Variants in PCDHA13 observed in about 807,000 individuals in gnomAD.
The protein encoded by PCDHA13 is protocadherin alpha-13.
A neutral mutation model predicts 64.8 loss-of-function variants in PCDHA13; 54 were observed. That is an observed-to-expected ratio of 0.83 (90% CI 0.67 to 1.04). PCDHA13 has a LOEUF of 1.04. Among genes scored for constraint, PCDHA13 ranks in the 50% least tolerant of loss-of-function variants. The pLI is 0.00. For synonymous variants in PCDHA13, 587 were observed against 564.4 expected (o/e 1.04, Z -0.57); for missense variants, 1,248 against 1,254.3 (o/e 0.99, Z 0.08).
At chr5:140,958,703 C>T (rs1302459806) in intron 1 of PCDHA13, among the ~76,000 whole-genome samples, 3 of 152,112 alleles carry the variant, frequency 2.0e-5, no homozygotes, top group Non-Finnish European at 4.4e-5. Flanking sequence ...AGAGTGACAA[C>T]TCTGTTATAA....
At chr5:140,920,481 G>T (rs2079651233) in intron 1 of PCDHA13, among the ~76,000 whole-genome samples, 1 of 151,886 alleles carries the variant, frequency 6.6e-6, no homozygotes, top group Non-Finnish European at 1.5e-5. Context: ...TATGTTTTTG[G>T]TCCAACAATA....
At position 140,927,384 on chromosome 5, in the gene PCDHA13, C is replaced by G. The variant is rs2084146194; in HGVS notation, c.2394+42722C>G. On this transcript the variant is annotated intron_variant, in intron 1 of 3. Transcript: ENST00000289272. Reference sequence around the variant, plus strand: ...ATGGGATACTAAGCTACAGCCTAAGCCCCAGTCAGCACTTTCGCCTGGACA... The same window carrying G: ...ATGGGATACTAAGCTACAGCCTAAGGCCCAGTCAGCACTTTCGCCTGGACA... 1 of 1,613,996 alleles carries G rather than the reference C, an allele frequency of 6.2e-7. No individual in the cohort carries two copies. The highest frequency in any genetic ancestry group is 1.7e-5 in the Admixed American group (1 of 60,010).
Position 140,883,825 on chromosome 5 carries a change from G to T in PCDHA13, c.1557G>T (p.Ala519=). The change falls in exon 1 of 4, where the codon GCG becomes GCT. Residue 519 remains alanine (A), a synonymous_variant. Coordinates refer to ENST00000289272, the MANE Select transcript of PCDHA13 (RefSeq NM_018904.3). ...SVHAESGKVY[A]LQPLDHEELE... ...ACGCGGAGAGCGGCAAGGTGTACGCGCTGCAGCCGTTGGACCACGAGGAGC... is the reference window on the plus strand; with the variant it reads ...ACGCGGAGAGCGGCAAGGTGTACGCTCTGCAGCCGTTGGACCACGAGGAGC... 6.2e-7 allele frequency: 1 copy of T among 1,612,576 alleles called. No individual in the cohort carries two copies. The highest frequency in any genetic ancestry group is 1.1e-5 in the South Asian group (1 of 91,024).
At chr5:141,004,952 C>T (rs543938360) in intron 3 of PCDHA13, among the ~76,000 whole-genome samples, 52 of 152,346 alleles carry the variant, frequency 3.4e-4, no homozygotes, top group African/African-American at 1.2e-3. Context: ...TACCCTCTCT[C>T]GTCACTGCCT....
intron 1 of PCDHA13, among the ~76,000 whole-genome samples, chr5:140,976,370 G>A (rs1392898202): frequency 6.6e-6 from 1 of 152,018 alleles, no homozygotes; most frequent in Non-Finnish European, 1.5e-5. Context: ...GGCCAACATG[G>A]TGAAACCCCA....
chr5:141,009,736 G>T lies in PCDHA13; in HGVS notation c.2652G>T (p.Leu884Phe). 1 of 1,614,086 alleles carries T rather than the reference G, an allele frequency of 6.2e-7. No homozygotes were observed. Among genetic ancestry groups the T allele is most frequent in the East Asian group, 2.2e-5 (1 of 44,872 alleles). Residue 884 changes from leucine to phenylalanine, a missense_variant, in exon 4 of 4, where the codon TTG becomes TTT. Leu to Phe is a conservative substitution (Grantham distance 22). Transcript: ENST00000289272. ...GNPKQSGPGE[L>F]PDKFIIPGSP... ...CCAAACAATCCGGTCCCGGTGAGTT[G>T]CCCGACAAATTCATTATCCCAGGAT...
intron 3 of PCDHA13, among the ~76,000 whole-genome samples, chr5:140,991,619 A>G (rs1554252338): frequency 1.3e-5 from 2 of 152,206 alleles, no homozygotes; most frequent in African/African-American, 4.8e-5. Context: ...CTTTAATGCC[A>G]TATTTGTAAT....
At chr5:141,006,105 GT>G (rs79904017) in intron 3 of PCDHA13, among the ~76,000 whole-genome samples, 172 of 143,342 alleles carry the variant, frequency 1.2e-3, no homozygotes, top group East Asian at 2.0e-3. Context: ...ATGGTAAGGA[GT>G]TTTTTTTTTT....
chr5:140,967,310 G>A (rs2096126313), intron 1 of PCDHA13: 1 of 1,611,338 alleles, frequency 6.2e-7, no homozygotes, highest in East Asian at 2.2e-5. Context: ...CGCCAACTCA[G>A]TACAGACCTA....
intron 1 of PCDHA13, among the ~76,000 whole-genome samples, chr5:140,902,203 C>CTTTTTTTTTTTTT (rs148688132): frequency 8.0e-6 from 1 of 124,460 alleles, no homozygotes; most frequent in African/African-American, 3.1e-5. Context: ...CTCTCTCTTT[C>CTTTTTTTTTTTTT]TTTTTTTTTT....
At chr5:140,982,602 G>A (rs1554244640) in intron 3 of PCDHA13, 39 bp downstream of exon 3, 2 of 1,607,914 alleles carry the variant, frequency 1.2e-6, no homozygotes, top group African/African-American at 2.7e-5. Context: ...CTTGGTTTCT[G>A]GAAAGTGATC....
At chr5:140,997,849 T>C (rs1554256029) in intron 3 of PCDHA13, among the ~76,000 whole-genome samples, 1 of 152,208 alleles carries the variant, frequency 6.6e-6, no homozygotes, top group African/African-American at 2.4e-5. Flanking sequence ...TACATTCTTA[T>C]ACATATTTCT....
rs782761361 is a variant in PCDHA13, at chr5:140,927,794, C to T, written c.2394+43132C>T. 1.2e-5 allele frequency: 20 copies of T among 1,614,154 alleles called. No individual in the cohort carries two copies. In the South Asian group the frequency reaches 1.6e-4, roughly 13 times the overall value. Reference sequence around the variant, plus strand: ...GTGCAAGTAGCTGCTTCACTAGGTCCGCCTGAAACGCTCTTGGAGGCATAC... The same window carrying T: ...GTGCAAGTAGCTGCTTCACTAGGTCTGCCTGAAACGCTCTTGGAGGCATAC... On this transcript the variant is annotated intron_variant, in intron 1 of 3. Coordinates refer to ENST00000289272, the MANE Select transcript of PCDHA13 (RefSeq NM_018904.3).
chr5:140,913,821 A>G (rs2153527973), intron 1 of PCDHA13, among the ~76,000 whole-genome samples: 1 of 152,122 alleles, frequency 6.6e-6, no homozygotes, highest in East Asian at 1.9e-4. Context: ...TTCCTTTTAA[A>G]TTTCTTTATT....
At chr5:140,991,991 T>C (rs1420188681) in intron 3 of PCDHA13, among the ~76,000 whole-genome samples, 1 of 151,444 alleles carries the variant, frequency 6.6e-6, no homozygotes, top group Admixed American at 6.6e-5. Context: ...TACCACCCGG[T>C]CTTTCATGTT....
chr5:140,973,242 ATTC>A (rs1295527172), intron 1 of PCDHA13, among the ~76,000 whole-genome samples: 1 of 152,170 alleles, frequency 6.6e-6, no homozygotes, highest in Non-Finnish European at 1.5e-5. Context: ...GAAAGAGTTA[ATTC>A]TTCTTTCAGT....
intron 1 of PCDHA13, among the ~76,000 whole-genome samples, chr5:140,961,632 A>G (rs373824042): frequency 7.9e-5 from 12 of 152,214 alleles, no homozygotes; most frequent in South Asian, 4.1e-4. Flanking sequence ...ATGAAAAACA[A>G]TCTTAAGTCT....
intron 1 of PCDHA13, among the ~76,000 whole-genome samples, chr5:140,941,409 C>T (rs1284702446): frequency 2.7e-5 from 4 of 149,924 alleles, no homozygotes; most frequent in Admixed American, 1.3e-4. Flanking sequence ...CTCCGCCTCC[C>T]GGGTTCAAGC....
At chr5:140,932,338 CACTT>C (rs1448800324) in intron 1 of PCDHA13, among the ~76,000 whole-genome samples, 19 of 151,866 alleles carry the variant, frequency 1.3e-4, no homozygotes, top group Non-Finnish European at 2.2e-4. Flanking sequence ...ATGCATGAAA[CACTT>C]ACCATACAAC....
Sources: allele counts gnomAD v4.1 joint callset (sites outside exome capture counted in the v4.1 genomes callset), GRCh38; gene constraint gnomAD v4.1.1; transcripts MANE v1.5; gene names NCBI Gene and HGNC (gene_info 2026-07-23, HGNC 2026-07-21).